RBL2: variants seen among roughly 807,000 people sequenced by gnomAD.
The protein encoded by RBL2 is RB transcriptional corepressor like 2.
Under a neutral mutation model 126.0 loss-of-function variants are expected in RBL2, and 56 were observed. That is an observed-to-expected ratio of 0.44 (90% CI 0.36 to 0.56). RBL2 has a LOEUF of 0.56. Among genes scored for constraint, RBL2 ranks in the 20% least tolerant of loss-of-function variants. RBL2 has a pLI of 0.00. For missense variants in RBL2, 1,229 were observed against 1,398.2 expected (o/e 0.88, Z 1.93); for synonymous variants, 454 against 478.5 (o/e 0.95, Z 0.67).
intron 21 of RBL2, chr16:53,487,811 AAG>A (rs1277148790): frequency 2.0e-5 from 3 of 152,230 alleles, no homozygotes; most frequent in African/African-American, 7.2e-5. Flanking sequence ...ACAGTATCTA[AAG>A]AATTCTCAAA....
chr16:53,480,498 C>A, intron 19 of RBL2, 69 bp from the exon 20 acceptor site: 1 of 1,376,646 alleles, frequency 7.3e-7, no homozygotes, highest in South Asian at 1.3e-5. Context: ...CTTTCTCCTA[C>A]TTTTAAAAAA....
At position 53,470,429 on chromosome 16, in the gene RBL2, C is replaced by T. The variant is rs956692030; in HGVS notation, c.2292C>T (p.Val764=). The change falls in exon 16 of 22, where the codon GTC becomes GTT. Residue 764 remains valine, a synonymous_variant. Transcript: ENST00000262133. The part of the protein sequence containing the change: ...NGGITFFPVQ[V]NVGGQAQAVT... The stretch of plus-strand genomic sequence containing the variant: ...GGATAACATTCTTCCCTGTCCAAGT[C>T]AATGTTGGGGGGCAGGCACAAGCTG... The T allele has an allele frequency of 6.2e-7, 1 of 1,614,016 alleles. No individual in the cohort carries two copies. Among genetic ancestry groups the T allele is most frequent in the African/African-American group, 1.3e-5 (1 of 74,906 alleles).
intron 3 of RBL2, among the ~76,000 whole-genome samples, chr16:53,443,596 A>G (rs2058036196): frequency 6.6e-6 from 1 of 152,206 alleles, no homozygotes. Context: ...CCTGATAGAT[A>G]AAGGCAGTTA....
chr16:53,435,069 A>G (rs1396005063), intron 1 of RBL2, among the ~76,000 whole-genome samples: 3 of 152,134 alleles, frequency 2.0e-5, no homozygotes, highest in Non-Finnish European at 4.4e-5. Context: ...CGTTGAGGAA[A>G]ATGGGTGTGT....
chr16:53,457,551 G>A (rs1044799304), intron 8 of RBL2, among the ~76,000 whole-genome samples: 1 of 151,972 alleles, frequency 6.6e-6, no homozygotes, highest in Non-Finnish European at 1.5e-5. Context: ...GAGCCACCAT[G>A]CCCAGCCGTA....
intron 1 of RBL2, among the ~76,000 whole-genome samples, chr16:53,436,811 C>A (rs184132034): frequency 3.3e-5 from 5 of 152,288 alleles, no homozygotes; most frequent in East Asian, 1.9e-4. Flanking sequence ...GAAACCAGAT[C>A]TATTTGACCC....
In RBL2 at chr16:53,478,892, G is replaced by T. The variant is rs188815498; in HGVS notation, c.2704-262G>T. The stretch of plus-strand genomic sequence containing the variant: ...CCTCCTCAGCCTCCCAAAGTGCTGG[G>T]ATTACAGGTGTGAACCACCGCACCT... On this transcript the variant is annotated intron_variant, in intron 17 of 21. Coordinates refer to ENST00000262133, the MANE Select transcript of RBL2 (RefSeq NM_005611.4). 208 of 377,336 alleles carry T rather than the reference G, an allele frequency of 5.5e-4. 2 individuals carry two copies. The highest frequency in any genetic ancestry group is 5.4e-3 in the East Asian group (116 of 21,372). 23.4% of individuals were successfully genotyped at this position (377,336 alleles called of 1,614,324 possible). A position where few individuals can be genotyped will look rare whatever the true frequency, so the allele number is the denominator to read the frequency against.
At chr16:53,488,225 T>TA (rs1961251778) in intron 21 of RBL2, 1 of 152,184 alleles carries the variant, frequency 6.6e-6, no homozygotes, top group Admixed American at 6.5e-5. Flanking sequence ...TACTTTGCAA[T>TA]AAAAAGGAAC....
At position 53,462,022 on chromosome 16, in the gene RBL2, G is replaced by C. The variant is rs553453006; in HGVS notation, c.1456+172G>C. On this transcript the variant is annotated intron_variant, in intron 10 of 21. Coordinates refer to ENST00000262133, the MANE Select transcript of RBL2 (RefSeq NM_005611.4). ...CTGATTTCTGAGCCCTTCTCAGTAA[G>C]ATAGAAATTTTAGAATGGTATCTTT... Among the ~76,000 whole-genome samples the C allele has an allele frequency of 3.9e-5, 6 of 152,340 alleles. No homozygotes were observed. The South Asian group carries it at 8.3e-4, about 21-fold the overall frequency.
chr16:53,464,121 T>C, intron 11 of RBL2, 105 bp from the exon 12 acceptor site: 1 of 962,916 alleles, frequency 1.0e-6, no homozygotes, highest in Non-Finnish European at 1.4e-6. Flanking sequence ...TTGCACTCAC[T>C]CAGAAAATGA....
In RBL2 at chr16:53,459,558, T is replaced by C. The variant is rs559247959; in HGVS notation, c.1287T>C (p.Leu429=). 1.2e-6 allele frequency: 2 copies of C among 1,607,464 alleles called. No individual in the cohort carries two copies. The highest frequency in any genetic ancestry group is 2.2e-5 in the South Asian group (2 of 89,690). Residue 429 remains leucine, a synonymous_variant, in exon 9 of 22, where the codon CTT becomes CTC. Coordinates refer to ENST00000262133, the MANE Select transcript of RBL2 (RefSeq NM_005611.4). ...CAGCTACGCATAGCTTGAGTCGTCT[T>C]CACACCATGCTGACAGGCCTCAGGA... The part of the protein sequence containing the change: ...VSTATHSLSR[L]HTMLTGLRNA...
At chr16:53,485,813 A>G (rs1020831666) in intron 21 of RBL2, among the ~76,000 whole-genome samples, 6 of 152,120 alleles carry the variant, frequency 3.9e-5, no homozygotes, top group African/African-American at 1.4e-4. Context: ...CCATGCTCAC[A>G]TTACTACACT....
At position 53,451,695 on chromosome 16, in the gene RBL2, T is replaced by A; in HGVS notation, c.638-8T>A. On this transcript the variant is annotated splice_region_variant and splice_polypyrimidine_tract_variant and intron_variant, in intron 4 of 21. Coordinates refer to ENST00000262133, the MANE Select transcript of RBL2 (RefSeq NM_005611.4). Reference sequence around the variant, plus strand: ...AATTTAACTCTGTAACTGCTTATAATCCTGCAGGTAATTTCCCCATGATTA... The same window carrying A: ...AATTTAACTCTGTAACTGCTTATAAACCTGCAGGTAATTTCCCCATGATTA... 6.2e-7 allele frequency: 1 copy of A among 1,612,490 alleles called. No homozygotes were observed. The highest frequency in any genetic ancestry group is 8.5e-7 in the Non-Finnish European group (1 of 1,178,900).
chr16:53,440,247 A>G (rs942107987), intron 2 of RBL2, among the ~76,000 whole-genome samples: 1 of 152,148 alleles, frequency 6.6e-6, no homozygotes, highest in East Asian at 1.9e-4. Context: ...AGTGAGCACT[A>G]TTGCACTCCA....
chr16:53,451,220 T>A (rs2058111621), intron 4 of RBL2, among the ~76,000 whole-genome samples: 1 of 152,196 alleles, frequency 6.6e-6, no homozygotes, highest in African/African-American at 2.4e-5. Flanking sequence ...ATTAATTTAT[T>A]AAAGGCCAGG....
intron 17 of RBL2, among the ~76,000 whole-genome samples, chr16:53,477,986 A>C (rs1459904326): frequency 6.6e-6 from 1 of 152,146 alleles, no homozygotes; most frequent in East Asian, 1.9e-4. Context: ...GTTTGCTAGC[A>C]CCAAATTCTG....
At chr16:53,439,675 T>C (rs2057995167) in intron 2 of RBL2, among the ~76,000 whole-genome samples, 1 of 152,162 alleles carries the variant, frequency 6.6e-6, no homozygotes, top group African/African-American at 2.4e-5. Flanking sequence ...TTAAATTGAT[T>C]ACATTTATTT....
intron 1 of RBL2, among the ~76,000 whole-genome samples, 173 bp from the exon 2 acceptor site, chr16:53,438,843 C>CAAAA (rs11302382): frequency 6.6e-5 from 2 of 30,532 alleles, no homozygotes; most frequent in Non-Finnish European, 1.3e-4. Flanking sequence ...GATTCCATCT[C>CAAAA]AAAAAAAAAA....
intron 10 of RBL2, among the ~76,000 whole-genome samples, 161 bp from the exon 11 acceptor site, chr16:53,462,391 A>G (rs182059232): frequency 2.4e-4 from 36 of 152,332 alleles, no homozygotes; most frequent in Non-Finnish European, 3.4e-4. Context: ...AAGAAAATTA[A>G]GGTATCTTAG....
Sources: gnomAD v4.1 joint callset for allele counts (sites outside exome capture counted in the v4.1 genomes callset) on GRCh38, gnomAD v4.1.1 for gene constraint, MANE v1.5 for transcripts, NCBI Gene and HGNC (gene_info 2026-07-23, HGNC 2026-07-21) for gene names.